DNM3: variants seen among roughly 807,000 people sequenced by gnomAD.
The protein encoded by DNM3 is dynamin 3.
In DNM3, 47 loss-of-function variants were observed where a neutral mutation model predicts 101.6. The observed-to-expected ratio is 0.46, with a 90% CI of 0.37 to 0.59. The LOEUF (loss-of-function observed/expected upper bound fraction) is 0.59. Ranked by LOEUF, DNM3 falls within the 20% of genes least tolerant of loss-of-function variation. The probability of loss-of-function intolerance (pLI) is 0.00; values close to 1 mark genes in which losing one functional copy is unlikely to be tolerated. For missense variants in DNM3, 849 were observed against 1,085.7 expected, an observed-to-expected ratio of 0.78 and a Z score of 3.06; for synonymous variants, 385 against 387.9, an observed-to-expected ratio of 0.99 and a Z score of 0.09.
At chr1:171,876,974 A>T (rs1229399895) in intron 1 of DNM3, among the ~76,000 whole-genome samples, 1 of 152,204 alleles carries the variant, frequency 6.6e-6, no homozygotes, top group Non-Finnish European at 1.5e-5. Flanking sequence ...CATGTGAAAT[A>T]CTTGTGTTCT....
Position 171,841,697 on chromosome 1 carries a change from A to G in DNM3, c.41A>G (p.Asn14Ser). 2 of 1,611,950 alleles carry G rather than the reference A, an allele frequency of 1.2e-6. No individual in the cohort carries two copies. The highest frequency in any genetic ancestry group is 1.7e-6 in the Non-Finnish European group (2 of 1,179,372). Residue 14 changes from asparagine to serine, a missense_variant, in exon 1 of 21, where the codon AAC becomes AGC. This residue lies in a region of DNM3 where 388 missense variants were observed against 483.0 expected (regional missense o/e 0.80). Transcript: ENST00000627582. ...REMEELIPLV[N>S]RLQDAFSALG... ...ATGGAGGAGCTGATCCCGCTGGTGA[A>G]CCGTCTGCAGGACGCGTTTTCGGCG...
chr1:171,873,193 T>G (rs189472984), intron 1 of DNM3, among the ~76,000 whole-genome samples: 174 of 152,334 alleles, frequency 1.1e-3, no homozygotes, highest in African/African-American at 4.1e-3. Flanking sequence ...GTGACACATT[T>G]CTCATCAGAA....
chr1:171,876,719 C>A (rs1311887330), intron 1 of DNM3, among the ~76,000 whole-genome samples: 1 of 152,136 alleles, frequency 6.6e-6, no homozygotes, highest in Non-Finnish European at 1.5e-5. Context: ...AGAGCAAAAG[C>A]AATTATTTTG....
intron 15 of DNM3, among the ~76,000 whole-genome samples, chr1:172,267,108 T>C (rs1285984829): frequency 6.6e-6 from 1 of 152,224 alleles, no homozygotes; most frequent in Non-Finnish European, 1.5e-5. Context: ...TTCTTCCTTC[T>C]GGTTTTAACA....
chr1:172,400,801 C>G (rs1379466957), intron 20 of DNM3, among the ~76,000 whole-genome samples: 3 of 152,138 alleles, frequency 2.0e-5, no homozygotes, highest in African/African-American at 7.2e-5. Flanking sequence ...TAAGACAACC[C>G]TTGATTTCTC....
intron 13 of DNM3, among the ~76,000 whole-genome samples, chr1:172,122,221 A>G (rs1224571622): frequency 6.6e-6 from 1 of 152,200 alleles, no homozygotes; most frequent in Non-Finnish European, 1.5e-5. Flanking sequence ...AGTTTCAATC[A>G]TAGGTAACAT....
rs147963641 is a variant in DNM3 at position 171,905,456 on chromosome 1, A to T, written c.162-16292A>T. 4.0e-3 allele frequency among the ~76,000 whole-genome samples: 612 copies of T among 152,330 alleles called. 21 individuals are homozygous for T. Among genetic ancestry groups the T allele is most frequent in the Admixed American group, 0.036 (543 of 15,294 alleles). ...TTGAATGAAATGACTTACCTTAAAG[A>T]GACAGAAAGTAGCTAAGGGTGGGAG... On this transcript the variant is annotated intron_variant, in intron 1 of 20. Transcript: ENST00000627582.
downstream of DNM3, among the ~76,000 whole-genome samples, chr1:172,416,097 C>T (rs957374992): frequency 2.6e-5 from 4 of 152,060 alleles, no homozygotes; most frequent in Non-Finnish European, 5.9e-5. Context: ...GAAAATATAA[C>T]CTGAAATTAT....
intron 1 of DNM3, among the ~76,000 whole-genome samples, chr1:171,911,475 G>T (rs879581026): frequency 6.6e-6 from 1 of 151,944 alleles, no homozygotes; most frequent in East Asian, 1.9e-4. Context: ...TATAGACGGG[G>T]TTTCGCCATT....
chr1:171,977,457 GA>G (rs149056855), intron 2 of DNM3, among the ~76,000 whole-genome samples: 1 of 151,902 alleles, frequency 6.6e-6, no homozygotes. Flanking sequence ...CACAAGGGGA[GA>G]AAAAAAGCAT....
At chr1:172,225,447 A>AATG (rs2061078743) in intron 14 of DNM3, among the ~76,000 whole-genome samples, 1 of 151,924 alleles carries the variant, frequency 6.6e-6, no homozygotes, top group South Asian at 2.1e-4. Flanking sequence ...CCCTCCTTCT[A>AATG]ATGACCTCAA....
At chr1:171,991,278 T>C (rs369460143) in intron 4 of DNM3, among the ~76,000 whole-genome samples, 24 of 152,244 alleles carry the variant, frequency 1.6e-4, no homozygotes, top group East Asian at 9.7e-4. Context: ...ATCACACTGA[T>C]TGAGGGTTCA....
intron 2 of DNM3, among the ~76,000 whole-genome samples, chr1:171,967,658 G>T (rs754974769): frequency 1.3e-5 from 2 of 152,134 alleles, no homozygotes; most frequent in African/African-American, 2.4e-5. Flanking sequence ...ATTGGGAATC[G>T]TCACCAAGTC....
At chr1:172,008,841 T>C (rs2046881485) in intron 4 of DNM3, among the ~76,000 whole-genome samples, 1 of 138,998 alleles carries the variant, frequency 7.2e-6, no homozygotes, top group Non-Finnish European at 1.5e-5. Flanking sequence ...TAATATATAT[T>C]AATATATTAT....
At chr1:172,147,014 A>T (rs941212010) in intron 14 of DNM3, among the ~76,000 whole-genome samples, 3 of 152,156 alleles carry the variant, frequency 2.0e-5, no homozygotes, top group African/African-American at 7.2e-5. Flanking sequence ...TTCTCCAGAG[A>T]CAGCTATAGA....
chr1:172,403,425 A>G (rs1311181706), intron 20 of DNM3, among the ~76,000 whole-genome samples: 2 of 152,166 alleles, frequency 1.3e-5, no homozygotes, highest in Admixed American at 6.5e-5. Context: ...GCCTCATATC[A>G]TGAACACTCA....
At chr1:171,966,896 T>C (rs2043627248) in intron 2 of DNM3, among the ~76,000 whole-genome samples, 1 of 152,218 alleles carries the variant, frequency 6.6e-6, no homozygotes. Flanking sequence ...GAAAAATGTT[T>C]ATAAAGCCAG....
chr1:171,882,463 ACG>A (rs2036371388), intron 1 of DNM3, among the ~76,000 whole-genome samples: 1 of 149,148 alleles, frequency 6.7e-6, no homozygotes, highest in Admixed American at 6.7e-5. Context: ...ACACACACAC[ACG>A]CACCATTTAA....
chr1:172,388,868 G>T, intron 20 of DNM3, 59 bp downstream of exon 20: 1 of 1,323,708 alleles, frequency 7.6e-7, no homozygotes, highest in South Asian at 1.3e-5. Flanking sequence ...CTCATAGAAT[G>T]ACAGACAAAA....
Sources: gnomAD v4.1 joint callset for allele counts (sites outside exome capture counted in the v4.1 genomes callset) on GRCh38, gnomAD v4.1.1 for gene constraint, gnomAD v4.1.1 regional missense constraint, MANE v1.5 for transcripts, NCBI Gene and HGNC (gene_info 2026-07-23, HGNC 2026-07-21) for gene names.